Variants in NUP133 observed in about 807,000 individuals in gnomAD.
NUP133 encodes the protein nucleoporin 133, also known as nuclear pore complex protein Nup133.
Under a neutral mutation model 146.2 loss-of-function variants are expected in NUP133, and 66 were observed. The ratio of observed to expected loss-of-function variants is 0.45; its 90% CI spans 0.37 to 0.55. NUP133 has a LOEUF of 0.55. NUP133 is among the 20% of genes least tolerant of loss of function. The pLI is 0.00. For synonymous variants in NUP133, 521 were observed against 498.8 expected (o/e 1.04, Z -0.59); for missense variants, 1,277 against 1,374.8 (o/e 0.93, Z 1.12).
rs867666689 is a variant in NUP133 at position 229,444,842 on chromosome 1, G to A, written c.3334+72C>T. ...AGCCTGAGTGACAGAGCAAGACTCC[G>A]TCTCAAAAAAAAACCCAAAAAACTG... On this transcript the variant is annotated intron_variant, in intron 25 of 25. Transcript: ENST00000261396. 19 of 968,756 alleles carry A rather than the reference G, an allele frequency of 2.0e-5. No homozygotes were observed. The Middle Eastern group carries it at 1.6e-3, about 83-fold the overall frequency. The allele number at this position is 968,756 out of a possible 1,614,324, so 60.0% of individuals were successfully genotyped here. A position where few individuals can be genotyped will look rare whatever the true frequency, so the allele number is the denominator to read the frequency against.
intron 25 of NUP133, among the ~76,000 whole-genome samples, chr1:229,443,919 A>C (rs112293528): frequency 3.6e-5 from 3 of 84,404 alleles, no homozygotes; most frequent in Non-Finnish European, 4.4e-5. Context: ...TTTTTTTTTT[A>C]AAATAGGGAC....
rs867425840 is a variant in NUP133 at position 229,491,671 on chromosome 1, G to A, written c.1047-1569C>T. 3.3e-5 allele frequency among the ~76,000 whole-genome samples: 5 copies of A among 152,216 alleles called. No homozygotes were observed. The South Asian group carries it at 8.3e-4, about 25-fold the overall frequency. On this transcript the variant is annotated intron_variant, in intron 8 of 25. Transcript: ENST00000261396. ...CGTGTGCCTGTAATCTCAGCTACTCGGGAGGCTGAGGCATGAGAATCACTT... is the reference window on the plus strand; with the variant it reads ...CGTGTGCCTGTAATCTCAGCTACTCAGGAGGCTGAGGCATGAGAATCACTT...
intron 14 of NUP133, among the ~76,000 whole-genome samples, chr1:229,475,295 C>CA (rs1473916547): frequency 3.3e-5 from 5 of 151,350 alleles, no homozygotes; most frequent in Non-Finnish European, 7.4e-5. Flanking sequence ...AACCTTTACC[C>CA]AAAAAAAGAA....
At chr1:229,466,556 T>C (rs1401501915) in intron 16 of NUP133, 78 bp downstream of exon 16, 8 of 1,496,482 alleles carry the variant, frequency 5.3e-6, no homozygotes, top group East Asian at 4.5e-5. Context: ...CAATACAGAG[T>C]AGGAACATGG....
At chr1:229,444,455 TA>T (rs1279638598) in intron 25 of NUP133, among the ~76,000 whole-genome samples, 1 of 152,222 alleles carries the variant, frequency 6.6e-6, no homozygotes, top group Non-Finnish European at 1.5e-5. Flanking sequence ...TGCCCTTAAA[TA>T]TTAGTGCTAG....
rs577527361 is a variant in NUP133, at chr1:229,508,296, G to A, written c.-47C>T. The A allele has an allele frequency of 1.5e-5, 20 of 1,360,892 alleles. No individual in the cohort carries two copies. Among genetic ancestry groups the A allele is most frequent in the South Asian group, 3.3e-5 (2 of 61,482 alleles). The allele number at this position is 1,360,892 out of a possible 1,614,324, so 84.3% of individuals were successfully genotyped here. A position where few individuals can be genotyped will look rare whatever the true frequency, so the allele number is the denominator to read the frequency against. On this transcript the variant is annotated 5_prime_UTR_variant, in exon 1 of 26. Transcript: ENST00000261396. Reference sequence around the variant, plus strand: ...GGACAGCGAGGGATCTGGCCGTCAGGTTGCAGCCTGGCCTGCGCGCGGAAC... The same window carrying A: ...GGACAGCGAGGGATCTGGCCGTCAGATTGCAGCCTGGCCTGCGCGCGGAAC...
chr1:229,496,203 G>A (rs1476302043), intron 6 of NUP133, among the ~76,000 whole-genome samples, 156 bp from the exon 7 acceptor site: 2 of 152,172 alleles, frequency 1.3e-5, no homozygotes, highest in East Asian at 3.8e-4. Flanking sequence ...GCCGGGTGTG[G>A]TGTCTTACCC....
rs745951330 is a variant in NUP133, at chr1:229,508,170, G to C, written c.80C>G (p.Ser27Cys). ...RGPLAGLGPGSTPRTASRKGL... is the reference protein window; with the variant it reads ...RGPLAGLGPGCTPRTASRKGL... The stretch of plus-strand genomic sequence containing the variant: ...CTTCCTGCTAGCCGTCCGGGGCGTG[G>C]AGCCGGGCCCGAGTCCGGCCAGCGG... The change falls in exon 1 of 26, where the codon TCC becomes TGC. Residue 27 changes from serine to cysteine, a missense_variant. Transcript: ENST00000261396. 27 of 1,591,882 alleles carry C rather than the reference G, an allele frequency of 1.7e-5. No individual in the cohort carries two copies. Among genetic ancestry groups the C allele is most frequent in the Middle Eastern group, 2.0e-4 (1 of 5,078 alleles).
At chr1:229,491,223 T>C (rs59429440) in intron 8 of NUP133, among the ~76,000 whole-genome samples, 10,760 of 152,232 alleles carry the variant, frequency 0.071, 1,151 homozygotes, top group African/African-American at 0.24. Context: ...GTAGTTGCAG[T>C]AAAGACTACA....
Position 229,441,804 on chromosome 1 carries a change from T to A in NUP133, c.*100A>T. The A allele has an allele frequency of 3.2e-6, 3 of 940,198 alleles. No homozygotes were observed. The highest frequency in any genetic ancestry group is 4.7e-6 in the Non-Finnish European group (3 of 632,932). The allele number at this position is 940,198 out of a possible 1,614,324, so 58.2% of individuals were successfully genotyped here. On this transcript the variant is annotated 3_prime_UTR_variant, in exon 26 of 26. Coordinates refer to ENST00000261396, the MANE Select transcript of NUP133 (RefSeq NM_018230.3). ...TAAAGTATAAAAACTCAGCTATACA[T>A]GTTATGAAATTGTACAAACTTACAC... is the stretch of plus-strand genomic sequence containing the variant.
chr1:229,447,937 A>G (rs968958810), intron 24 of NUP133, among the ~76,000 whole-genome samples: 6 of 152,186 alleles, frequency 3.9e-5, no homozygotes, highest in Non-Finnish European at 5.9e-5. Flanking sequence ...GACCCCACTG[A>G]TAAGACAGGA....
At chr1:229,499,879 T>A (rs1661753182) in intron 4 of NUP133, 61 bp from the exon 5 acceptor site, 2 of 1,551,496 alleles carry the variant, frequency 1.3e-6, no homozygotes, top group East Asian at 2.3e-5. Flanking sequence ...AAACCAGCAG[T>A]CTGATGGCAA....
chr1:229,465,798 G>T (rs978757336), intron 16 of NUP133, among the ~76,000 whole-genome samples: 2 of 150,874 alleles, frequency 1.3e-5, no homozygotes, highest in African/African-American at 4.9e-5. Flanking sequence ...ACTGAGGCAG[G>T]AGGACTGCTT....
chr1:229,505,974 T>C lies in NUP133; in HGVS notation c.301+66A>G. ...TATACTAGAGAAAACATAAATTTAA[T>C]CTCTATGCCACATCTAGGCTCCATT... On this transcript the variant is annotated intron_variant, in intron 2 of 25. Transcript: ENST00000261396. 4.5e-6 allele frequency: 4 copies of C among 891,706 alleles called. No individual in the cohort carries two copies. In the South Asian group the frequency reaches 5.6e-5, roughly 13 times the overall value. The allele number at this position is 891,706 out of a possible 1,614,324, so 55.2% of individuals were successfully genotyped here.
At chr1:229,449,082 G>T in intron 24 of NUP133, 44 bp downstream of exon 24, 1 of 1,425,226 alleles carries the variant, frequency 7.0e-7, no homozygotes, top group Non-Finnish European at 9.9e-7. Context: ...CAGAGGAAAA[G>T]CAGTTTCTAT....
rs145162088 is a variant in NUP133 at position 229,470,709 on chromosome 1, G to C, written c.1947C>G (p.Ala649=). 1 of 1,614,178 alleles carries C rather than the reference G, an allele frequency of 6.2e-7. No homozygotes were observed. Among genetic ancestry groups the C allele is most frequent in the South Asian group, 1.1e-5 (1 of 91,084 alleles). ...LLCEHAEKLS[A]AIVLKNHHSR... ...AGTGGTGGTTCTTGAGAACAATGGC[G>C]GCTGACAGCTTTTCGGCATGCTCAC... is the stretch of plus-strand genomic sequence containing the variant. Residue 649 remains alanine (A), a synonymous_variant, in exon 15 of 26, where the codon GCC becomes GCG. Transcript: ENST00000261396.
chr1:229,444,871 A>G, intron 25 of NUP133, 43 bp downstream of exon 25: 1 of 1,358,430 alleles, frequency 7.4e-7, no homozygotes, highest in Non-Finnish European at 1.0e-6. Flanking sequence ...AAAACTGAGG[A>G]ATGACACTGT....
At chr1:229,490,425 A>G (rs1661480964) in intron 8 of NUP133, among the ~76,000 whole-genome samples, 1 of 152,014 alleles carries the variant, frequency 6.6e-6, no homozygotes. Context: ...AAAAATACTG[A>G]ATGAATTTGA....
At chr1:229,484,249 C>T (rs534738356) in intron 11 of NUP133, 104 bp from the exon 12 acceptor site, 16 of 709,828 alleles carry the variant, frequency 2.3e-5, no homozygotes, top group Admixed American at 1.8e-4. Context: ...CGCATATACA[C>T]GAGCTGTTTG....
Sources: gnomAD v4.1 joint callset for allele counts (sites outside exome capture counted in the v4.1 genomes callset) on GRCh38, gnomAD v4.1.1 for gene constraint, MANE v1.5 for transcripts, NCBI Gene and HGNC (gene_info 2026-07-23, HGNC 2026-07-21) for gene names.